Variants in XRCC5 observed in about 807,000 individuals in gnomAD.
The protein encoded by XRCC5 is DNA repair protein Ku80.
In XRCC5, 12 loss-of-function variants were observed where a neutral mutation model predicts 95.7. The observed-to-expected ratio is 0.13, with a 90% confidence interval of 0.08 to 0.20. The LOEUF (loss-of-function observed/expected upper bound fraction) is 0.20, where lower values mean the gene tolerates loss of function less well. XRCC5 is among the 10% of genes least tolerant of loss of function. The pLI, the probability that XRCC5 is intolerant of heterozygous loss-of-function variation, is 1.00. For missense variants in XRCC5, 595 were observed against 873.9 expected (o/e 0.68, Z 4.02); for synonymous variants, 281 against 290.3 (o/e 0.97, Z 0.33).
chr2:216,151,804 A>AG (rs1688750665), intron 14 of XRCC5, among the ~76,000 whole-genome samples: 1 of 152,154 alleles, frequency 6.6e-6, no homozygotes, highest in African/African-American at 2.4e-5. Flanking sequence ...AGAGGCCAAT[A>AG]GGTGGTGTAT....
At chr2:216,184,032 C>CTGTGTGTGTGTGTGTGTGTGTGTGTG (rs3221952) in intron 16 of XRCC5, among the ~76,000 whole-genome samples, 9 of 145,630 alleles carry the variant, frequency 6.2e-5, no homozygotes, top group Non-Finnish European at 1.1e-4. Context: ...TAAGTCAGCA[C>CTGTGTGTGTGTGTGTGTGTGTGTGTG]TGTGTGTGTG....
intron 16 of XRCC5, among the ~76,000 whole-genome samples, chr2:216,184,754 T>G (rs6720042): frequency 0.16 from 24,998 of 152,274 alleles, 2,436 homozygotes; most frequent in Middle Eastern, 0.25. Context: ...GTGCTGTGAT[T>G]ACAGGCTTGA....
intron 10 of XRCC5, among the ~76,000 whole-genome samples, chr2:216,133,005 T>A (rs1359991403): frequency 6.6e-6 from 1 of 152,178 alleles, no homozygotes; most frequent in Non-Finnish European, 1.5e-5. Flanking sequence ...TCCTGAAGTA[T>A]TTGCATTTGT....
At chr2:216,129,337 TTTG>T (rs1447019834) in intron 8 of XRCC5, among the ~76,000 whole-genome samples, 1 of 152,224 alleles carries the variant, frequency 6.6e-6, no homozygotes, top group African/African-American at 2.4e-5. Context: ...CTTTTTGTTT[TTTG>T]TTTTTTCTTG....
chr2:216,152,361 A>T (rs1447816822), intron 14 of XRCC5, among the ~76,000 whole-genome samples: 1 of 151,940 alleles, frequency 6.6e-6, no homozygotes, highest in Non-Finnish European at 1.5e-5. Context: ...AATTGCTTGA[A>T]CCTAGGAGGC....
At position 216,109,380 on chromosome 2, in the gene XRCC5, G is replaced by A. The variant is rs186785842; in HGVS notation, c.-57G>A. On this transcript the variant is annotated 5_prime_UTR_variant, in exon 1 of 21. Transcript: ENST00000392132. ...GCCGCTTGTCCACCGGAAGCGAGTT[G>A]CGACACGGCAGGTTCCCGCCCGGAA... 2,174 of 1,612,838 alleles carry A rather than the reference G, an allele frequency of 1.3e-3. No homozygotes were observed. Among genetic ancestry groups the A allele is most frequent in the Non-Finnish European group, 1.8e-3 (2,080 of 1,179,336 alleles).
chr2:216,160,186 T>G (rs1472719310), intron 15 of XRCC5, 25 bp downstream of exon 15: 1 of 1,519,392 alleles, frequency 6.6e-7, no homozygotes, highest in Non-Finnish European at 9.0e-7. Flanking sequence ...TCAAGTGCGC[T>G]TCCCCCTTTG....
intron 13 of XRCC5, among the ~76,000 whole-genome samples, chr2:216,146,887 T>C (rs1373908018): frequency 6.6e-6 from 1 of 152,220 alleles, no homozygotes; most frequent in Non-Finnish European, 1.5e-5. Flanking sequence ...TCAGCTGTTA[T>C]CGGCCAGGTG....
chr2:216,178,521 T>C (rs1160193343), intron 16 of XRCC5, among the ~76,000 whole-genome samples: 2 of 152,180 alleles, frequency 1.3e-5, no homozygotes, highest in Non-Finnish European at 2.9e-5. Context: ...CCCAGTGGCA[T>C]CAAGCAGCTT....
intron 13 of XRCC5, among the ~76,000 whole-genome samples, chr2:216,143,873 AT>A (rs5838569): frequency 0.41 from 59,705 of 145,212 alleles, 12,386 homozygotes; most frequent in Middle Eastern, 0.49. Flanking sequence ...CGCCCGGCTA[AT>A]TTTTTTTTTT....
intron 16 of XRCC5, among the ~76,000 whole-genome samples, chr2:216,184,090 A>AT (rs1345998070): frequency 4.7e-4 from 64 of 135,470 alleles, no homozygotes; most frequent in African/African-American, 1.7e-3. Flanking sequence ...GAGAAAAAAT[A>AT]TTTAAGATAC....
chr2:216,125,143 T>C (rs1041491845), intron 6 of XRCC5, among the ~76,000 whole-genome samples: 2 of 152,090 alleles, frequency 1.3e-5, no homozygotes, highest in African/African-American at 2.4e-5. Flanking sequence ...ATGATAATTA[T>C]AGGATGGTGC....
chr2:216,113,449 A>C (rs1165397134), intron 2 of XRCC5, among the ~76,000 whole-genome samples: 1 of 152,214 alleles, frequency 6.6e-6, no homozygotes, highest in Admixed American at 6.5e-5. Flanking sequence ...GTCATTTACT[A>C]ACCTTCTGAT....
At chr2:216,135,844 A>G (rs1697066123) in intron 10 of XRCC5, among the ~76,000 whole-genome samples, 1 of 151,700 alleles carries the variant, frequency 6.6e-6, no homozygotes, top group Non-Finnish European at 1.5e-5. Flanking sequence ...GGCATTATCA[A>G]AGACCGGGGT....
At chr2:216,127,743 G>T in intron 8 of XRCC5, 69 bp downstream of exon 8, 1 of 1,463,424 alleles carries the variant, frequency 6.8e-7, no homozygotes, top group Non-Finnish European at 9.2e-7. Context: ...TGCAGGCTGG[G>T]GTTTGTATTA....
At chr2:216,194,783 C>A in intron 18 of XRCC5, 136 bp from the exon 19 acceptor site, 1 of 797,286 alleles carries the variant, frequency 1.3e-6, no homozygotes, top group Non-Finnish European at 2.1e-6. Context: ...CCAGCCTGGG[C>A]AACATAGTGG....
intron 10 of XRCC5, among the ~76,000 whole-genome samples, chr2:216,136,753 A>G (rs534116248): frequency 6.4e-4 from 97 of 152,360 alleles, no homozygotes; most frequent in Non-Finnish European, 1.2e-3. Context: ...TCAGAGGTAA[A>G]GACAGGAAAG....
chr2:216,118,318 A>G (rs991739036), intron 4 of XRCC5, among the ~76,000 whole-genome samples: 3 of 151,948 alleles, frequency 2.0e-5, no homozygotes, highest in East Asian at 1.9e-4. Flanking sequence ...CTGGGACTAC[A>G]GGTGCACACC....
At chr2:216,119,490 A>G (rs770180552) in intron 5 of XRCC5, among the ~76,000 whole-genome samples, 1 of 152,204 alleles carries the variant, frequency 6.6e-6, no homozygotes. Context: ...TCCTTCCTGC[A>G]TAGAAGGCTT....
Sources: allele counts gnomAD v4.1 joint callset (sites outside exome capture counted in the v4.1 genomes callset), GRCh38; gene constraint gnomAD v4.1.1; transcripts MANE v1.5; gene names NCBI Gene and HGNC (gene_info 2026-07-23, HGNC 2026-07-21).